The following MCEE variants were observed in gnomAD, a reference collection of about 807,000 sequenced individuals.
MCEE encodes methylmalonyl-CoA epimerase.
In MCEE, 6 loss-of-function variants were observed where a neutral mutation model predicts 12.9. The observed-to-expected ratio is 0.47, with a 90% CI of 0.26 to 0.92. The LOEUF is 0.92. Among genes scored for constraint, MCEE ranks in the 40% least tolerant of loss-of-function variants. The probability of loss-of-function intolerance (pLI) is 0.16; values close to 1 mark genes in which losing one functional copy is unlikely to be tolerated. For missense variants in MCEE, 214 were observed against 212.1 expected (o/e 1.01, Z -0.05); for synonymous variants, 78 against 77.9 (o/e 1.00, Z -0.01).
At position 71,124,649 on chromosome 2, in the gene MCEE, T is replaced by C. The variant is rs58684004; in HGVS notation, c.41-106A>G. On this transcript the variant is annotated intron_variant, in intron 1 of 2. Coordinates refer to ENST00000244217, the MANE Select transcript of MCEE (RefSeq NM_032601.4). Reference sequence around the variant, plus strand: ...AATGCATGCAAAAATTCATTATTTATATATCTGTTCTTTTTAATTATTGAA... The same window carrying C: ...AATGCATGCAAAAATTCATTATTTACATATCTGTTCTTTTTAATTATTGAA... The C allele has an allele frequency of 0.13, 112,280 of 854,672 alleles. 8,416 individuals are homozygous for C. The highest frequency in any genetic ancestry group is 0.3 in the East Asian group (11,502 of 38,338). The allele number at this position is 854,672 out of a possible 1,614,324, so 52.9% of individuals were successfully genotyped here. A position where few individuals can be genotyped will look rare whatever the true frequency, so the allele number is the denominator to read the frequency against.
chr2:71,119,363 T>A (rs905035002), intron 2 of MCEE, among the ~76,000 whole-genome samples: 2 of 148,748 alleles, frequency 1.3e-5, no homozygotes, highest in Non-Finnish European at 2.9e-5. Context: ...TCTAAACACA[T>A]TTCAACACAG....
chr2:71,125,107 C>T (rs1168148420), intron 1 of MCEE, among the ~76,000 whole-genome samples: 2 of 149,314 alleles, frequency 1.3e-5, no homozygotes. Flanking sequence ...TGGCCTCAGC[C>T]TCCCAAGTAG....
Position 71,125,205 on chromosome 2 carries a change from A to AT in MCEE, c.41-663dup, listed in dbSNP as rs1342992417. Among the ~76,000 whole-genome samples the AT allele has an allele frequency of 2.4e-3, 102 of 42,644 alleles. 1 individual carries two copies. The highest frequency in any genetic ancestry group is 0.024 in the East Asian group (73 of 3,058). The allele number at this position is 42,644 out of a possible 152,430, so 28.0% of individuals were successfully genotyped here. ...TATATATAAATATATATATATATAT[A>AT]TATATATTTTTTTTTTTTTTTGAGA... is the stretch of plus-strand genomic sequence containing the variant. On this transcript the variant is annotated intron_variant, in intron 1 of 2. Coordinates refer to ENST00000244217, the MANE Select transcript of MCEE (RefSeq NM_032601.4).
Position 71,124,236 on chromosome 2 carries a change from C to T in MCEE, c.348G>A (p.Lys116=). The T allele has an allele frequency of 6.2e-7, 1 of 1,613,958 alleles. No individual in the cohort carries two copies. The highest frequency in any genetic ancestry group is 8.5e-7 in the Non-Finnish European group (1 of 1,179,854). ...TGCAGATGTGATGCATTCCTCCAGC[C>T]TTGTTTTTCTGCAGAAAACCTGCAA... is the stretch of plus-strand genomic sequence containing the variant. The part of the protein sequence containing the change: ...SPIAGFLQKN[K]AGGMHHICIE... The change falls in exon 2 of 3, where the codon AAG becomes AAA. Residue 116 remains lysine, a synonymous_variant. Transcript: ENST00000244217.
intron 1 of MCEE, among the ~76,000 whole-genome samples, chr2:71,128,225 A>G (rs1433296236): frequency 6.6e-6 from 1 of 152,164 alleles, no homozygotes; most frequent in Non-Finnish European, 1.5e-5. Flanking sequence ...AACAGGTTCA[A>G]TTTCCATTTT....
intron 1 of MCEE, among the ~76,000 whole-genome samples, chr2:71,127,880 C>T (rs1255158901): frequency 6.6e-6 from 1 of 152,244 alleles, no homozygotes; most frequent in Admixed American, 6.5e-5. Flanking sequence ...CCTTCCTCAG[C>T]CTCCCAAAGT....
chr2:71,128,152 A>G (rs1414327175), intron 1 of MCEE, among the ~76,000 whole-genome samples: 1 of 152,166 alleles, frequency 6.6e-6, no homozygotes, highest in East Asian at 1.9e-4. Flanking sequence ...TAGCCCATTT[A>G]CAGACGATTA....
At position 71,126,230 on chromosome 2, in the gene MCEE, ATTAT is replaced by A. The variant is rs1482247852; in HGVS notation, c.41-1691_41-1688del. Among the ~76,000 whole-genome samples the A allele has an allele frequency of 4.9e-3, 741 of 152,224 alleles. 5 individuals are homozygous for A. The highest frequency in any genetic ancestry group is 0.017 in the African/African-American group (698 of 41,516). On this transcript the variant is annotated intron_variant, in intron 1 of 2. Coordinates refer to ENST00000244217, the MANE Select transcript of MCEE (RefSeq NM_032601.4). ...AATAATTACTGTTAAACTGTACTTT[ATTAT>A]TTATTTATTTTGAGACGAACTCTTG...
chr2:71,120,045 C>CCT (rs1203229221), intron 2 of MCEE, among the ~76,000 whole-genome samples: 1 of 149,610 alleles, frequency 6.7e-6, no homozygotes, highest in African/African-American at 2.6e-5. Flanking sequence ...ACAGTGAGAC[C>CCT]CTCTCTCTGA....
At position 71,124,584 on chromosome 2, in the gene MCEE, T is replaced by C. The variant is rs373062994; in HGVS notation, c.41-41A>G. 128 of 1,446,374 alleles carry C rather than the reference T, an allele frequency of 8.8e-5. 3 individuals carry two copies. In the South Asian group the frequency reaches 1.4e-3, roughly 16 times the overall value. The allele number at this position is 1,446,374 out of a possible 1,614,324, so 89.6% of individuals were successfully genotyped here. A position where few individuals can be genotyped will look rare whatever the true frequency, so the allele number is the denominator to read the frequency against. ...GCCATTGATATCCTTCTTTTGAGAA[T>C]TAACGCACTTCTAAATTGAATTTTA... On this transcript the variant is annotated intron_variant, in intron 1 of 2. Transcript: ENST00000244217.
chr2:71,115,513 T>G (rs769560519), intron 2 of MCEE, among the ~76,000 whole-genome samples: 1 of 145,052 alleles, frequency 6.9e-6, no homozygotes, highest in Non-Finnish European at 1.5e-5. Flanking sequence ...TGCTATACAT[T>G]TTATGATTCT....
rs1323292556 is a variant in MCEE at position 71,124,085 on chromosome 2, A to G, written c.378+121T>C. 10 of 719,952 alleles carry G rather than the reference A, an allele frequency of 1.4e-5. No individual in the cohort carries two copies. In the East Asian group the frequency reaches 2.4e-4, roughly 17 times the overall value. 44.6% of individuals were successfully genotyped at this position (719,952 alleles called of 1,614,324 possible). Reference sequence around the variant, plus strand: ...ACCTTTGAGGAGGATGAATATTATCATTCTCCTTAAAGAACTTTACAAAAG... The same window carrying G: ...ACCTTTGAGGAGGATGAATATTATCGTTCTCCTTAAAGAACTTTACAAAAG... On this transcript the variant is annotated intron_variant, in intron 2 of 2. Transcript: ENST00000244217.
intron 1 of MCEE, among the ~76,000 whole-genome samples, chr2:71,125,236 T>A (rs1572892133): frequency 8.1e-6 from 1 of 123,430 alleles, no homozygotes. Flanking sequence ...TGAGACGGAG[T>A]CTCACTATTT....
rs1309177097 is a variant in MCEE at position 71,124,200 on chromosome 2, A to C, written c.378+6T>G. 2.5e-6 allele frequency: 4 copies of C among 1,603,546 alleles called. No individual in the cohort carries two copies. Among genetic ancestry groups the C allele is most frequent in the Non-Finnish European group, 3.4e-6 (4 of 1,170,922 alleles). On this transcript the variant is annotated splice_donor_region_variant and intron_variant, in intron 2 of 2. Transcript: ENST00000244217. The stretch of plus-strand genomic sequence containing the variant: ...AAAATACCAGGCATTAAAATAATTA[A>C]AATACCTCGATGCAGATGTGATGCA...
At position 71,129,987 on chromosome 2, in the gene MCEE, C is replaced by A. The variant is rs1447855291; in HGVS notation, c.40+193G>T. On this transcript the variant is annotated intron_variant, in intron 1 of 2. Transcript: ENST00000244217. ...ATGGAAATGGGACTCATGCACAAGG[C>A]AATCCCCGCTACTAAGCGGTGGCGC... 2.4e-5 allele frequency: 16 copies of A among 665,190 alleles called. No homozygotes were observed. In the East Asian group the frequency reaches 3.5e-4, roughly 15 times the overall value. 41.2% of individuals were successfully genotyped at this position (665,190 alleles called of 1,614,324 possible). A position where few individuals can be genotyped will look rare whatever the true frequency, so the allele number is the denominator to read the frequency against.
intron 2 of MCEE, among the ~76,000 whole-genome samples, chr2:71,122,617 T>C (rs1673121663): frequency 6.6e-6 from 1 of 152,118 alleles, no homozygotes; most frequent in Admixed American, 6.5e-5. Context: ...ATCCCCCTTA[T>C]AAAACTGTCA....
chr2:71,126,568 CAAA>C (rs70959207), intron 1 of MCEE, among the ~76,000 whole-genome samples: 49 of 72,140 alleles, frequency 6.8e-4, no homozygotes, highest in African/African-American at 2.1e-3. Flanking sequence ...TACATTTTAC[CAAA>C]AAAAAAAAAA....
chr2:71,124,147 TAGA>T (rs1252492717), intron 2 of MCEE, 56 bp downstream of exon 2: 19 of 1,310,718 alleles, frequency 1.4e-5, no homozygotes, highest in Middle Eastern at 3.7e-4. Context: ...ACTTAAAAAG[TAGA>T]AGACATTTTT....
At chr2:71,125,450 A>T (rs1407589429) in intron 1 of MCEE, among the ~76,000 whole-genome samples, 1 of 151,184 alleles carries the variant, frequency 6.6e-6, no homozygotes, top group African/African-American at 2.4e-5. Flanking sequence ...CAGGTGATCC[A>T]CCCACCTCGG....
Sources: allele counts gnomAD v4.1 joint callset (sites outside exome capture counted in the v4.1 genomes callset), GRCh38; gene constraint gnomAD v4.1.1; transcripts MANE v1.5; gene names NCBI Gene and HGNC (gene_info 2026-07-23, HGNC 2026-07-21).